Variants in NDUFB6 observed in about 807,000 individuals in gnomAD.
NDUFB6 encodes NADH dehydrogenase [ubiquinone] 1 beta subcomplex subunit 6.
Under a neutral mutation model 17.5 loss-of-function variants are expected in NDUFB6, and 23 were observed. The ratio of observed to expected loss-of-function variants is 1.31; its 90% CI spans 0.94 to 1.86. The LOEUF (loss-of-function observed/expected upper bound fraction) is 1.86, where lower values mean the gene tolerates loss of function less well. Ranked by LOEUF, NDUFB6 falls within the 40% of genes most tolerant of loss-of-function variation. The pLI is 0.00. For synonymous variants in NDUFB6, 60 were observed against 53.5 expected (o/e 1.12, Z -0.53); for missense variants, 167 against 153.8 (o/e 1.09, Z -0.46).
chr9:32,560,437 G>A (rs901064267), intron 2 of NDUFB6, among the ~76,000 whole-genome samples: 2 of 152,172 alleles, frequency 1.3e-5, no homozygotes, highest in Admixed American at 6.5e-5. Flanking sequence ...GATAAAGTAA[G>A]TTAAACCCAG....
At chr9:32,571,132 A>T in intron 1 of NDUFB6, 80 bp from the exon 2 acceptor site, 1 of 924,552 alleles carries the variant, frequency 1.1e-6, no homozygotes, top group Non-Finnish European at 1.7e-6. Context: ...TCAATGATGT[A>T]ACAATGCCAT....
chr9:32,570,144 C>G (rs1327427931), intron 2 of NDUFB6, among the ~76,000 whole-genome samples: 1 of 152,180 alleles, frequency 6.6e-6, no homozygotes, highest in African/African-American at 2.4e-5. Flanking sequence ...TACCACTTGC[C>G]TCACTGCCTC....
intron 2 of NDUFB6, among the ~76,000 whole-genome samples, chr9:32,563,489 G>A (rs945337195): frequency 1.9e-5 from 1 of 51,508 alleles, no homozygotes; most frequent in African/African-American, 8.2e-5. Context: ...GGGACTATTG[G>A]GCTTTTTTTT....
intron 2 of NDUFB6, among the ~76,000 whole-genome samples, chr9:32,563,504 T>TTTTTTTTTTTTTGG (rs74178817): frequency 6.7e-6 from 1 of 148,768 alleles, no homozygotes; most frequent in African/African-American, 2.5e-5. Context: ...TTTTTTTTTT[T>TTTTTTTTTTTTTGG]GGAGGGATGG....
intron 2 of NDUFB6, among the ~76,000 whole-genome samples, chr9:32,564,820 T>C (rs530383785): frequency 7.2e-5 from 11 of 152,320 alleles, no homozygotes. Flanking sequence ...AACACTTTCT[T>C]CATAAAAGCT....
At chr9:32,571,680 G>C (rs1178173775) in intron 1 of NDUFB6, among the ~76,000 whole-genome samples, 1 of 152,128 alleles carries the variant, frequency 6.6e-6, no homozygotes, top group African/African-American at 2.4e-5. Flanking sequence ...CAGAATCTAA[G>C]AATTATAACA....
chr9:32,557,768 C>T (rs1038516876), intron 3 of NDUFB6, among the ~76,000 whole-genome samples: 4 of 152,054 alleles, frequency 2.6e-5, no homozygotes, highest in Admixed American at 1.3e-4. Flanking sequence ...TGAGCCACCG[C>T]GCCTGGCCCC....
rs1351581772 is a variant in NDUFB6, at chr9:32,562,309, ACTT to A, written c.274-3358_274-3356del. On this transcript the variant is annotated intron_variant, in intron 2 of 3. Transcript: ENST00000379847. Reference sequence around the variant, plus strand: ...GAAGAGGACATGCTAGGCACTCCGTACTTGTTAATCAAGGGGCTTAATCTGCTT... The same window carrying A: ...GAAGAGGACATGCTAGGCACTCCGTAGTTAATCAAGGGGCTTAATCTGCTT... Among the ~76,000 whole-genome samples the A allele has an allele frequency of 2.6e-5, 4 of 152,320 alleles. No homozygotes were observed. The East Asian group carries it at 7.7e-4, about 29-fold the overall frequency.
chr9:32,561,097 C>A (rs1464879683), intron 2 of NDUFB6, among the ~76,000 whole-genome samples: 1 of 152,140 alleles, frequency 6.6e-6, no homozygotes, highest in East Asian at 1.9e-4. Context: ...TAAAGCCCAT[C>A]AACAACAGAA....
chr9:32,565,244 G>C (rs145637262), intron 2 of NDUFB6, among the ~76,000 whole-genome samples: 1 of 151,542 alleles, frequency 6.6e-6, no homozygotes, highest in Non-Finnish European at 1.5e-5. Flanking sequence ...AGTGAGCCGA[G>C]ATCGCGCCAC....
intron 2 of NDUFB6, chr9:32,566,746 G>A (rs1821802941): frequency 1.1e-6 from 1 of 919,608 alleles, no homozygotes; most frequent in Non-Finnish European, 1.8e-6. Flanking sequence ...AACCACAGCG[G>A]GTCCTCAGCC....
At chr9:32,568,372 C>T in intron 2 of NDUFB6, 1 of 243,906 alleles carries the variant, frequency 4.1e-6, no homozygotes, top group Non-Finnish European at 8.8e-6. Flanking sequence ...AGAAGGTGCT[C>T]CTTTTGGATG....
chr9:32,562,999 T>G (rs1225222649), intron 2 of NDUFB6, among the ~76,000 whole-genome samples: 2 of 152,226 alleles, frequency 1.3e-5, no homozygotes, highest in African/African-American at 2.4e-5. Context: ...TTCATGATCT[T>G]GACATTTCTG....
intron 3 of NDUFB6, among the ~76,000 whole-genome samples, chr9:32,555,449 C>CCACAGAGG (rs891324622): frequency 1.3e-5 from 2 of 152,144 alleles, no homozygotes; most frequent in African/African-American, 4.8e-5. Context: ...CACATAGCTG[C>CCACAGAGG]CACAGAGGTG....
Position 32,553,641 on chromosome 9 carries a change from C to T in NDUFB6, c.*235G>A, listed in dbSNP as rs1040260677. 7.5e-5 allele frequency: 35 copies of T among 467,162 alleles called. 1 individual carries two copies. The Middle Eastern group carries it at 1.7e-3, about 23-fold the overall frequency. The allele number at this position is 467,162 out of a possible 1,614,324, so 28.9% of individuals were successfully genotyped here. A position where few individuals can be genotyped will look rare whatever the true frequency, so the allele number is the denominator to read the frequency against. ...CATGTAACTAAATACTTTTCCATAC[C>T]GTTTTCCAAGTCAAGAATGACCAGA... On this transcript the variant is annotated 3_prime_UTR_variant, in exon 4 of 4. Coordinates refer to ENST00000379847, the MANE Select transcript of NDUFB6 (RefSeq NM_002493.5).
intron 2 of NDUFB6, 38 bp downstream of exon 2, chr9:32,570,922 A>C (rs762833501): frequency 3.3e-5 from 46 of 1,399,062 alleles, no homozygotes; most frequent in Non-Finnish European, 4.5e-5. Flanking sequence ...GTAATTTTGG[A>C]CAATATTAAA....
chr9:32,557,231 C>A (rs540892602), intron 3 of NDUFB6, among the ~76,000 whole-genome samples: 2 of 149,274 alleles, frequency 1.3e-5, no homozygotes, highest in Admixed American at 1.3e-4. Flanking sequence ...GTGGCGCAAA[C>A]TCCGCACACT....
chr9:32,567,319 A>C (rs1348270228), intron 2 of NDUFB6: 1 of 469,886 alleles, frequency 2.1e-6, no homozygotes, highest in East Asian at 6.9e-5. Context: ...TCTCTGTGCC[A>C]TATTTTGGTA....
intron 2 of NDUFB6, chr9:32,566,900 A>G: frequency 1.8e-6 from 1 of 569,494 alleles, no homozygotes; most frequent in East Asian, 3.9e-5. Flanking sequence ...GCACTGAGGA[A>G]GCACCCGATG....
Sources: gnomAD v4.1 joint callset for allele counts (sites outside exome capture counted in the v4.1 genomes callset) on GRCh38, gnomAD v4.1.1 for gene constraint, MANE v1.5 for transcripts, NCBI Gene and HGNC (gene_info 2026-07-23, HGNC 2026-07-21) for gene names.